SERINC5: variants seen among roughly 807,000 people sequenced by gnomAD.
SERINC5 encodes the protein serine incorporator 5, also known as chromosome 5 open reading frame 12.
In SERINC5, 41 loss-of-function variants were observed where a neutral mutation model predicts 63.1. That is an observed-to-expected ratio of 0.65 (90% CI 0.51 to 0.84). SERINC5 has a LOEUF of 0.84. SERINC5 is among the 40% of genes least tolerant of loss of function. SERINC5 has a pLI of 0.00. For synonymous variants in SERINC5, 222 were observed against 215.2 expected (o/e 1.03, Z -0.28); for missense variants, 523 against 573.0 (o/e 0.91, Z 0.89).
At position 80,121,107 on chromosome 5, in the gene SERINC5, G is replaced by A. The variant is rs980439206; in HGVS notation, c.1239-7482C>T. On this transcript the variant is annotated intron_variant, in intron 11 of 12. Coordinates refer to the SERINC5 transcript ENST00000509193. ...TCTCCATGTTGGTCAGGCTGGTCCCGAACTCCCAACCTCAGGTGATCCGCC... is the reference window on the plus strand; with the variant it reads ...TCTCCATGTTGGTCAGGCTGGTCCCAAACTCCCAACCTCAGGTGATCCGCC... 5.3e-5 allele frequency among the ~76,000 whole-genome samples: 8 copies of A among 152,046 alleles called. No individual in the cohort carries two copies. The South Asian group carries it at 6.2e-4, about 12-fold the overall frequency.
At chr5:80,147,677 C>T (rs1561367702) in intron 9 of SERINC5, among the ~76,000 whole-genome samples, 1 of 150,710 alleles carries the variant, frequency 6.6e-6, no homozygotes, top group Admixed American at 6.6e-5. Flanking sequence ...ATTTTGCCTC[C>T]CCTTCCCCTT....
At chr5:80,167,496 C>T (rs553588809) in intron 6 of SERINC5, among the ~76,000 whole-genome samples, 10 of 152,260 alleles carry the variant, frequency 6.6e-5, no homozygotes, top group Admixed American at 1.3e-4. Flanking sequence ...CTACCATTGA[C>T]GGGCATGTCG....
At chr5:80,163,663 G>A (rs1024099768) in intron 7 of SERINC5, among the ~76,000 whole-genome samples, 4 of 151,902 alleles carry the variant, frequency 2.6e-5, no homozygotes, top group Non-Finnish European at 2.9e-5. Flanking sequence ...AATGTATGAT[G>A]TATCATATTT....
At chr5:80,164,503 T>C (rs970156071) in intron 7 of SERINC5, among the ~76,000 whole-genome samples, 1 of 152,092 alleles carries the variant, frequency 6.6e-6, no homozygotes, top group Admixed American at 6.6e-5. Flanking sequence ...CACCTCAGCC[T>C]CCAGAGTAGC....
intron 1 of SERINC5, among the ~76,000 whole-genome samples, chr5:80,220,001 A>G (rs1332369014): frequency 6.6e-6 from 1 of 152,124 alleles, no homozygotes; most frequent in African/African-American, 2.4e-5. Flanking sequence ...TGAGGTCAGG[A>G]GTTCAAGACC....
downstream of SERINC5, among the ~76,000 whole-genome samples, chr5:80,134,518 C>A (rs1012955535): frequency 6.6e-5 from 10 of 152,088 alleles, no homozygotes; most frequent in Middle Eastern, 3.4e-3. Flanking sequence ...ACAACAACAA[C>A]AAAAAACAAA....
intron 8 of SERINC5, chr5:80,158,208 T>C (rs1746661533): frequency 6.6e-6 from 1 of 152,300 alleles, no homozygotes; most frequent in Non-Finnish European, 1.5e-5. Context: ...AGCAACCTTT[T>C]AAACCTTTTA....
chr5:80,178,585 G>A (rs189559312), intron 2 of SERINC5, among the ~76,000 whole-genome samples: 3 of 80,940 alleles, frequency 3.7e-5, no homozygotes, highest in African/African-American at 1.6e-4. Flanking sequence ...TTGTCATGTT[G>A]CCCAGACTGG....
chr5:80,229,590 C>A (rs1473830023), intron 1 of SERINC5, among the ~76,000 whole-genome samples: 1 of 151,704 alleles, frequency 6.6e-6, no homozygotes, highest in Non-Finnish European at 1.5e-5. Flanking sequence ...GCCAGTGAAG[C>A]AATACAAAAA....
At chr5:80,115,603 T>C (rs1230050835) in intron 11 of SERINC5, among the ~76,000 whole-genome samples, 1 of 152,062 alleles carries the variant, frequency 6.6e-6, no homozygotes, top group African/African-American at 2.4e-5. Flanking sequence ...ATAGCAGGTA[T>C]TCTTAACCAT....
chr5:80,140,706 G>A lies in SERINC5; in HGVS notation c.*2957C>T. ...CCAGTCAGGTAACATGCCGCGGTATGACACTCCCATAAGAACCCCCACCCC... is the reference window on the plus strand; with the variant it reads ...CCAGTCAGGTAACATGCCGCGGTATAACACTCCCATAAGAACCCCCACCCC... On this transcript the variant is annotated 3_prime_UTR_variant, in exon 12 of 12. Coordinates refer to ENST00000507668, the MANE Select transcript of SERINC5 (RefSeq NM_001174072.3). 2 of 985,254 alleles carry A rather than the reference G, an allele frequency of 2.0e-6. No homozygotes were observed. The highest frequency in any genetic ancestry group is 2.4e-6 in the Non-Finnish European group (2 of 829,882). The allele number at this position is 985,254 out of a possible 1,614,324, so 61.0% of individuals were successfully genotyped here.
intron 11 of SERINC5, among the ~76,000 whole-genome samples, chr5:80,127,355 G>A (rs888382174): frequency 2.0e-4 from 31 of 152,272 alleles, no homozygotes; most frequent in Non-Finnish European, 3.7e-4. Flanking sequence ...TACTATGTTC[G>A]TTCTCTCTTC....
At chr5:80,151,232 C>T (rs141064857) in intron 8 of SERINC5, among the ~76,000 whole-genome samples, 70 of 152,194 alleles carry the variant, frequency 4.6e-4, no homozygotes, top group African/African-American at 1.7e-3. Context: ...TGCTTTTTGC[C>T]TCTCCTCCCT....
chr5:80,238,250 G>A (rs1751794425), intron 1 of SERINC5, among the ~76,000 whole-genome samples: 1 of 151,894 alleles, frequency 6.6e-6, no homozygotes. Flanking sequence ...TAGGCAAAAT[G>A]ATTTGCATAA....
chr5:80,243,098 C>G (rs1752018759), intron 1 of SERINC5, among the ~76,000 whole-genome samples: 2 of 152,196 alleles, frequency 1.3e-5, no homozygotes, highest in African/African-American at 2.4e-5. Context: ...TGCTGAGCAG[C>G]AGGACCTAGA....
chr5:80,239,952 T>C (rs1188488221), intron 1 of SERINC5, among the ~76,000 whole-genome samples: 2 of 152,130 alleles, frequency 1.3e-5, no homozygotes, highest in South Asian at 4.1e-4. Flanking sequence ...TGGGGCCAGC[T>C]CTCTCCCTCA....
chr5:80,150,836 T>G, intron 9 of SERINC5, 46 bp downstream of exon 9: 2 of 1,348,628 alleles, frequency 1.5e-6, no homozygotes, highest in Non-Finnish European at 2.1e-6. Context: ...TCCTGAGAAA[T>G]GGATCTTCTG....
intron 8 of SERINC5, among the ~76,000 whole-genome samples, chr5:80,152,154 A>G (rs1226585156): frequency 6.6e-6 from 1 of 152,206 alleles, no homozygotes; most frequent in Admixed American, 6.5e-5. Flanking sequence ...AGGAAGACAG[A>G]AACATCTCCC....
chr5:80,146,036 A>G, intron 11 of SERINC5, 54 bp downstream of exon 11: 2 of 1,592,120 alleles, frequency 1.3e-6, no homozygotes, highest in Non-Finnish European at 1.7e-6. Flanking sequence ...ACAGTACTTA[A>G]CTCTTAACTT....
Sources: allele counts gnomAD v4.1 joint callset (sites outside exome capture counted in the v4.1 genomes callset), GRCh38; gene constraint gnomAD v4.1.1; transcripts MANE v1.5; gene names NCBI Gene and HGNC (gene_info 2026-07-23, HGNC 2026-07-21).